LYPD6: variants seen among roughly 807,000 people sequenced by gnomAD.
LYPD6 encodes LY6/PLAUR domain containing 6.
LYPD6 carries 15 observed loss-of-function variants against 22.7 expected under a neutral mutation model. The ratio of observed to expected loss-of-function variants is 0.66; its 90% CI spans 0.44 to 1.02. The LOEUF (loss-of-function observed/expected upper bound fraction) is 1.02, where lower values mean the gene tolerates loss of function less well. Among genes scored for constraint, LYPD6 ranks in the 50% least tolerant of loss-of-function variants. The pLI, the probability that LYPD6 is intolerant of heterozygous loss-of-function variation, is 0.00. For missense variants in LYPD6, 189 were observed against 208.4 expected, an observed-to-expected ratio of 0.91 and a Z score of 0.57; for synonymous variants, 72 against 77.5, an observed-to-expected ratio of 0.93 and a Z score of 0.37.
chr2:149,483,218 C>T, the LYPD6 span, among the ~76,000 whole-genome samples: 2 of 152,170 alleles, frequency 1.3e-5, no homozygotes, highest in East Asian at 3.9e-4. Flanking sequence ...AGGGCTTTTG[C>T]CTGCTCCACG....
chr2:149,386,190 G>A (rs1443354466), intron 1 of LYPD6, among the ~76,000 whole-genome samples: 4 of 152,184 alleles, frequency 2.6e-5, no homozygotes. Flanking sequence ...ATAAGGAAAG[G>A]AGAATCTTTA....
intron 1 of LYPD6, among the ~76,000 whole-genome samples, chr2:149,426,584 T>A (rs1683192923): frequency 6.6e-6 from 1 of 152,194 alleles, no homozygotes; most frequent in South Asian, 2.1e-4. Context: ...TCTGGCTTCC[T>A]CCTGTCCCCA....
At chr2:149,400,298 C>G (rs1052423456) in intron 1 of LYPD6, among the ~76,000 whole-genome samples, 5 of 152,142 alleles carry the variant, frequency 3.3e-5, no homozygotes, top group African/African-American at 9.7e-5. Flanking sequence ...ATTTGAGAAC[C>G]CTTGAATTGT....
chr2:149,438,543 A>G (rs923482558), intron 2 of LYPD6, among the ~76,000 whole-genome samples: 25 of 152,158 alleles, frequency 1.6e-4, no homozygotes, highest in Non-Finnish European at 3.2e-4. Context: ...AGCTGGTTGT[A>G]TTGTGTATAT....
intron 1 of LYPD6, among the ~76,000 whole-genome samples, chr2:149,394,991 G>A (rs1390827476): frequency 6.6e-6 from 1 of 152,126 alleles, no homozygotes; most frequent in Non-Finnish European, 1.5e-5. Flanking sequence ...TATATTCTCT[G>A]TATGTTACTT....
chr2:149,421,974 T>C (rs1416506216), intron 1 of LYPD6, among the ~76,000 whole-genome samples: 1 of 152,130 alleles, frequency 6.6e-6, no homozygotes, highest in Non-Finnish European at 1.5e-5. Context: ...AGCTAGAAAG[T>C]CTGACAGGTG....
chr2:149,335,885 A>G (rs1053997343), intron 1 of LYPD6, among the ~76,000 whole-genome samples: 8 of 152,198 alleles, frequency 5.3e-5, no homozygotes, highest in African/African-American at 1.9e-4. Flanking sequence ...TATACCATAT[A>G]ACTTAGGTGT....
intron 3 of LYPD6, among the ~76,000 whole-genome samples, chr2:149,465,254 C>A (rs1016127049): frequency 1.3e-5 from 2 of 152,030 alleles, no homozygotes; most frequent in African/African-American, 2.4e-5. Flanking sequence ...ATAGTAGAGT[C>A]CCAGAGTCAC....
At chr2:149,454,494 C>G (rs1388114828) in intron 3 of LYPD6, among the ~76,000 whole-genome samples, 9 of 152,196 alleles carry the variant, frequency 5.9e-5, no homozygotes, top group Non-Finnish European at 1.0e-4. Context: ...CAAAATTCAT[C>G]TATTCCACTA....
chr2:149,330,346 C>G (rs544650428), upstream of LYPD6: 184 of 151,278 alleles, frequency 1.2e-3, no homozygotes, highest in African/African-American at 4.2e-3. Context: ...GCCGGGCGGT[C>G]GGCTCCCGCT....
chr2:149,360,973 T>C (rs16826912), intron 1 of LYPD6, among the ~76,000 whole-genome samples: 7,893 of 152,218 alleles, frequency 0.052, 255 homozygotes, highest in Non-Finnish European at 0.067. Context: ...TATGCATGCG[T>C]AGGAAAAGAA....
At chr2:149,385,958 C>T (rs1682175057) in intron 1 of LYPD6, among the ~76,000 whole-genome samples, 2 of 152,028 alleles carry the variant, frequency 1.3e-5, no homozygotes, top group Admixed American at 1.3e-4. Flanking sequence ...CTACTGTTCC[C>T]CAGGTATGGT....
intron 1 of LYPD6, among the ~76,000 whole-genome samples, chr2:149,345,406 A>G (rs964359944): frequency 6.8e-6 from 1 of 146,606 alleles, no homozygotes; most frequent in Non-Finnish European, 1.5e-5. Context: ...TCCTGGGTTC[A>G]TGCCATTCCC....
intron 1 of LYPD6, among the ~76,000 whole-genome samples, chr2:149,331,635 A>T (rs1196905543): frequency 6.6e-6 from 1 of 150,984 alleles, no homozygotes; most frequent in Non-Finnish European, 1.5e-5. Context: ...GGATCGGGGG[A>T]GAGAATTGGG....
At chr2:149,433,078 C>T (rs1285436648) in intron 1 of LYPD6, among the ~76,000 whole-genome samples, 1 of 152,104 alleles carries the variant, frequency 6.6e-6, no homozygotes, top group Non-Finnish European at 1.5e-5. Flanking sequence ...TACACATAAA[C>T]CTAGAAAAGA....
chr2:149,353,800 T>G (rs1031941696), intron 1 of LYPD6, among the ~76,000 whole-genome samples: 2 of 152,156 alleles, frequency 1.3e-5, no homozygotes, highest in Non-Finnish European at 2.9e-5. Context: ...TGAAACCTTT[T>G]TAAGGCTCTT....
chr2:149,430,302 G>T (rs1023301570), intron 1 of LYPD6, among the ~76,000 whole-genome samples: 2 of 152,128 alleles, frequency 1.3e-5, no homozygotes, highest in African/African-American at 4.8e-5. Context: ...GTTTTACCAT[G>T]TTGGCCAGAC....
At chr2:149,438,643 G>T (rs1683488723) in intron 2 of LYPD6, among the ~76,000 whole-genome samples, 1 of 152,240 alleles carries the variant, frequency 6.6e-6, no homozygotes, top group Non-Finnish European at 1.5e-5. Context: ...GTGTGTCAAG[G>T]ATTGTGATAG....
At chr2:149,474,220 A>G (rs1182737486), downstream of LYPD6, 1 of 151,916 alleles carries the variant, frequency 6.6e-6, no homozygotes, top group Non-Finnish European at 1.5e-5. Flanking sequence ...TTGAGACAGC[A>G]GGGTCTTGCT....
Sources: gnomAD v4.1 joint callset for allele counts (sites outside exome capture counted in the v4.1 genomes callset) on GRCh38, gnomAD v4.1.1 for gene constraint, MANE v1.5 for transcripts, NCBI Gene and HGNC (gene_info 2026-07-23, HGNC 2026-07-21) for gene names.